Variants in DNAH14 observed in about 807,000 individuals in gnomAD.
DNAH14 encodes the protein dynein axonemal heavy chain 14.
In DNAH14, 478 loss-of-function variants were observed where a neutral mutation model predicts 520.9. That is an observed-to-expected ratio of 0.92 (90% CI 0.85 to 0.99). The LOEUF (loss-of-function observed/expected upper bound fraction) is 0.99. Ranked by LOEUF, DNAH14 falls within the 50% of genes least tolerant of loss-of-function variation. The pLI, the probability that DNAH14 is intolerant of heterozygous loss-of-function variation, is 0.00. For synonymous variants in DNAH14, 1,581 were observed against 1,757.2 expected, an observed-to-expected ratio of 0.90 and a Z score of 2.51; for missense variants, 4,831 against 5,234.5, an observed-to-expected ratio of 0.92 and a Z score of 2.38.
intron 11 of DNAH14, among the ~76,000 whole-genome samples, chr1:225,026,096 C>G (rs1246304234): frequency 6.6e-6 from 1 of 152,016 alleles, no homozygotes; most frequent in Admixed American, 6.6e-5. Flanking sequence ...TCCCACATAG[C>G]TGGGACTACA....
At chr1:225,306,866 A>G (rs672832) in intron 58 of DNAH14, among the ~76,000 whole-genome samples, 98,432 of 151,598 alleles carry the variant, frequency 0.65, 32,894 homozygotes, top group East Asian at 0.87. Flanking sequence ...GTTACAGTCC[A>G]CCACTGCCCG....
chr1:225,085,700 C>T lies in DNAH14; in HGVS notation c.3484C>T (p.Pro1162Ser). The T allele has an allele frequency of 6.4e-7, 1 of 1,551,342 alleles. No homozygotes were observed. The highest frequency in any genetic ancestry group is 8.7e-7 in the Non-Finnish European group (1 of 1,146,756). Reference protein sequence around the residue: ...HTEIYSIFIIPSIDDISAQLE... With the variant: ...HTEIYSIFIISSIDDISAQLE... ...AGAGATTTACTCTATCTTCATAATT[C>T]CATCTATAGATGACATATCAGCTCA... The change falls in exon 21 of 86, where the codon CCA becomes TCA. Residue 1162 changes from proline to serine, a missense_variant. Pro to Ser is a moderately conservative substitution (Grantham distance 74, BLOSUM62 -1). Coordinates refer to ENST00000682510, the MANE Select transcript of DNAH14 (RefSeq NM_001367479.1).
intron 17 of DNAH14, among the ~76,000 whole-genome samples, chr1:225,063,303 T>G (rs964170821): frequency 6.6e-6 from 1 of 152,166 alleles, no homozygotes; most frequent in African/African-American, 2.4e-5. Flanking sequence ...CCTGTATACT[T>G]TAAATCACCT....
intron 43 of DNAH14, among the ~76,000 whole-genome samples, chr1:225,248,125 C>T (rs530889013): frequency 1.6e-4 from 24 of 152,266 alleles, no homozygotes; most frequent in African/African-American, 5.8e-4. Flanking sequence ...TTTTTATCCT[C>T]AGAAGCTATC....
intron 13 of DNAH14, 98 bp from the exon 14 acceptor site, chr1:225,043,646 G>C: frequency 1.2e-6 from 1 of 863,944 alleles, no homozygotes; most frequent in Non-Finnish European, 1.8e-6. Flanking sequence ...TTATTCTTAG[G>C]ATATGTGTAA....
intron 8 of DNAH14, among the ~76,000 whole-genome samples, chr1:225,002,302 A>G (rs1304374756): frequency 6.6e-6 from 1 of 152,180 alleles, no homozygotes; most frequent in African/African-American, 2.4e-5. Context: ...GTAGAAAAAG[A>G]CAGATAAAAG....
intron 8 of DNAH14, among the ~76,000 whole-genome samples, chr1:224,983,746 C>T (rs543498370): frequency 6.6e-6 from 1 of 152,248 alleles, no homozygotes; most frequent in African/African-American, 2.4e-5. Context: ...CTCTTCTGTA[C>T]ACCAGCAGTG....
intron 2 of DNAH14, chr1:224,953,129 CTT>C (rs56337123): frequency 3.3e-5 from 5 of 151,410 alleles, no homozygotes; most frequent in Admixed American, 1.3e-4. Context: ...CATAGAAATA[CTT>C]TTTTTTTTTG....
In DNAH14 at chr1:225,100,799, C is replaced by T. The variant is rs1428254061; in HGVS notation, c.3782C>T (p.Ala1261Val). The T allele has an allele frequency of 1.9e-6, 3 of 1,538,488 alleles. No homozygotes were observed. In the South Asian group the frequency reaches 3.7e-5, roughly 19 times the overall value. ...TCAAAAATACAAAACAAACAGAATGCTTTGCAGATAACCACTTCTGCAGGA... is the reference window on the plus strand; with the variant it reads ...TCAAAAATACAAAACAAACAGAATGTTTTGCAGATAACCACTTCTGCAGGA... ...IMSKIQNKQN[A>V]LQITTSAGVL... The change falls in exon 23 of 86, where the codon GCT becomes GTT. Residue 1261 changes from alanine (A) to valine (V), a missense_variant. By Grantham distance (64) the Ala-to-Val change is moderately conservative. Coordinates refer to ENST00000682510, the MANE Select transcript of DNAH14 (RefSeq NM_001367479.1).
chr1:225,335,669 G>A (rs1345267341), intron 66 of DNAH14, among the ~76,000 whole-genome samples: 2 of 106,068 alleles, frequency 1.9e-5, no homozygotes, highest in African/African-American at 4.5e-5. Flanking sequence ...ATACATATGT[G>A]CATATATGTA....
At chr1:225,032,564 T>G (rs1167589117) in intron 11 of DNAH14, among the ~76,000 whole-genome samples, 3 of 152,236 alleles carry the variant, frequency 2.0e-5, no homozygotes, top group Middle Eastern at 3.4e-3. Flanking sequence ...GTCTTTACGG[T>G]AGAATGCTTT....
At chr1:224,987,477 C>T (rs560319355) in intron 8 of DNAH14, among the ~76,000 whole-genome samples, 39 of 152,248 alleles carry the variant, frequency 2.6e-4, no homozygotes, top group African/African-American at 9.4e-4. Context: ...GCATATTTGT[C>T]TTACGGGTCT....
intron 1 of DNAH14, among the ~76,000 whole-genome samples, chr1:224,943,251 A>C (rs979292728): frequency 1.5e-4 from 23 of 152,130 alleles, no homozygotes; most frequent in African/African-American, 5.6e-4. Flanking sequence ...TGTGTCAAGG[A>C]ATTTATCCAT....
rs570461925 is a variant in DNAH14, at chr1:225,184,741, T to C, written c.5536-550T>C. On this transcript the variant is annotated intron_variant, in intron 36 of 85. Coordinates refer to ENST00000682510, the MANE Select transcript of DNAH14 (RefSeq NM_001367479.1). ...CAACAAACTAGGCATCAAAGGAACA[T>C]ATCTTAAAAAAAAGAGAGAGAGAGA... is the stretch of plus-strand genomic sequence containing the variant. Among the ~76,000 whole-genome samples the C allele has an allele frequency of 4.7e-5, 7 of 149,998 alleles. No individual in the cohort carries two copies. In the East Asian group the frequency reaches 1.4e-3, roughly 30 times the overall value.
chr1:225,170,790 C>G (rs12070493), intron 36 of DNAH14, among the ~76,000 whole-genome samples: 2,553 of 152,304 alleles, frequency 0.017, 59 homozygotes, highest in East Asian at 0.053. Flanking sequence ...CTACAAAACC[C>G]TCCACCCCAA....
chr1:225,113,900 C>T (rs1001206693), intron 23 of DNAH14, among the ~76,000 whole-genome samples: 8 of 152,156 alleles, frequency 5.3e-5, no homozygotes, highest in Non-Finnish European at 1.2e-4. Context: ...TAGCCCAGGG[C>T]AGGTGCAGAA....
chr1:225,058,603 GTTCTT>G (rs1372856013), intron 17 of DNAH14, among the ~76,000 whole-genome samples: 1 of 152,122 alleles, frequency 6.6e-6, no homozygotes, highest in Non-Finnish European at 1.5e-5. Flanking sequence ...TGCTTCTCTA[GTTCTT>G]TTAATTGTGA....
chr1:225,340,759 T>C, intron 69 of DNAH14, 58 bp downstream of exon 69: 1 of 1,474,184 alleles, frequency 6.8e-7, no homozygotes, highest in Non-Finnish European at 9.0e-7. Flanking sequence ...AATAAAAAGT[T>C]ATAAGAACCA....
At chr1:225,152,644 T>G (rs2080609515) in intron 32 of DNAH14, 53 bp from the exon 33 acceptor site, 12 of 1,447,186 alleles carry the variant, frequency 8.3e-6, no homozygotes, top group Non-Finnish European at 1.0e-5. Context: ...GATTCCTTAT[T>G]TGAAAAATTG....
Sources: gnomAD v4.1 joint callset for allele counts (sites outside exome capture counted in the v4.1 genomes callset) on GRCh38, gnomAD v4.1.1 for gene constraint, MANE v1.5 for transcripts, NCBI Gene and HGNC (gene_info 2026-07-23, HGNC 2026-07-21) for gene names.